Variants in ELP4 observed in about 807,000 individuals in gnomAD.
ELP4 encodes the protein elongator acetyltransferase complex subunit 4.
ELP4 carries 51 observed loss-of-function variants against 48.9 expected under a neutral mutation model. The observed-to-expected ratio is 1.04, with a 90% CI of 0.83 to 1.32. The LOEUF (loss-of-function observed/expected upper bound fraction) is 1.32, where lower values mean the gene tolerates loss of function less well. Ranked by LOEUF, ELP4 falls within the 40% of genes most tolerant of loss-of-function variation. The pLI, the probability that ELP4 is intolerant of heterozygous loss-of-function variation, is 0.00. For synonymous variants in ELP4, 210 were observed against 189.2 expected, an observed-to-expected ratio of 1.11 and a Z score of -0.90; for missense variants, 519 against 514.6, an observed-to-expected ratio of 1.01 and a Z score of -0.08.
rs1377685695 is a variant in ELP4, at chr11:31,515,031, GTGTA to G, written c.224-5023_224-5020del. On this transcript the variant is annotated intron_variant, in intron 1 of 9. Transcript: ENST00000640961. Reference sequence around the variant, plus strand: ...TGTGTGTGTGTGTGTGTGTGTGTGTGTGTATATATATATATATATATATATGTAT... The same window carrying G: ...TGTGTGTGTGTGTGTGTGTGTGTGTGTATATATATATATATATATATGTAT... 1.8e-3 allele frequency among the ~76,000 whole-genome samples: 208 copies of G among 115,554 alleles called. 2 individuals carry two copies. The East Asian group carries it at 0.023, about 13-fold the overall frequency. The allele number at this position is 115,554 out of a possible 152,430, so 75.8% of individuals were successfully genotyped here. A position where few individuals can be genotyped will look rare whatever the true frequency, so the allele number is the denominator to read the frequency against.
At chr11:31,716,962 A>C (rs1025054158) in intron 9 of ELP4, among the ~76,000 whole-genome samples, 1 of 152,244 alleles carries the variant, frequency 6.6e-6, no homozygotes, top group Non-Finnish European at 1.5e-5. Flanking sequence ...ATAATGGATG[A>C]GATTCTATTG....
intron 9 of ELP4, among the ~76,000 whole-genome samples, chr11:31,755,737 A>C (rs1343497137): frequency 6.6e-6 from 1 of 151,950 alleles, no homozygotes; most frequent in African/African-American, 2.4e-5. Context: ...TTACAAAAAA[A>C]AAAAAAAAAA....
chr11:31,601,813 C>T (rs1258767400), intron 4 of ELP4, among the ~76,000 whole-genome samples: 1 of 152,112 alleles, frequency 6.6e-6, no homozygotes, highest in Non-Finnish European at 1.5e-5. Flanking sequence ...GCAAGCTTCC[C>T]TACTAGGCCT....
At chr11:31,619,455 G>A (rs1051759418) in intron 5 of ELP4, among the ~76,000 whole-genome samples, 9 of 152,138 alleles carry the variant, frequency 5.9e-5, no homozygotes, top group South Asian at 4.2e-4. Flanking sequence ...AGGCTGTGAA[G>A]TTCCAAGATA....
intron 9 of ELP4, among the ~76,000 whole-genome samples, chr11:31,738,493 C>T (rs762630971): frequency 4.0e-5 from 6 of 151,526 alleles, no homozygotes; most frequent in East Asian, 3.9e-4. Flanking sequence ...CAGCACACTG[C>T]GGGGGGCTAA....
At chr11:31,626,350 TG>T (rs1413725830) in intron 5 of ELP4, among the ~76,000 whole-genome samples, 1 of 151,848 alleles carries the variant, frequency 6.6e-6, no homozygotes, top group East Asian at 1.9e-4. Context: ...GCTATGCTCA[TG>T]ACATTATCAT....
chr11:31,613,120 G>C (rs1014266451), intron 5 of ELP4, among the ~76,000 whole-genome samples: 2 of 152,190 alleles, frequency 1.3e-5, no homozygotes, highest in Admixed American at 6.6e-5. Flanking sequence ...TGGCTGTAGA[G>C]AGGTGGCTCT....
intron 9 of ELP4, among the ~76,000 whole-genome samples, chr11:31,698,646 C>G (rs569398849): frequency 1.3e-4 from 20 of 152,284 alleles, no homozygotes; most frequent in Admixed American, 9.8e-4. Context: ...CTCCTGGCCT[C>G]AAGTGATCCA....
intron 3 of ELP4, among the ~76,000 whole-genome samples, chr11:31,568,884 A>G (rs1957153030): frequency 6.6e-6 from 1 of 152,128 alleles, no homozygotes. Context: ...CAGGAGTTCA[A>G]GACCAGCCTG....
At chr11:31,545,679 T>C (rs957358634) in intron 3 of ELP4, among the ~76,000 whole-genome samples, 1 of 152,028 alleles carries the variant, frequency 6.6e-6, no homozygotes, top group Non-Finnish European at 1.5e-5. Context: ...AGACACGTAA[T>C]TGTCAGATTC....
At chr11:31,575,249 A>G (rs1043628816) in intron 3 of ELP4, among the ~76,000 whole-genome samples, 6 of 152,196 alleles carry the variant, frequency 3.9e-5, no homozygotes, top group African/African-American at 1.2e-4. Context: ...AAAAAAGACT[A>G]AAAAGAAATG....
chr11:31,560,735 C>CGTTGTTTTGT (rs1364492119), intron 3 of ELP4, among the ~76,000 whole-genome samples: 4 of 148,528 alleles, frequency 2.7e-5, no homozygotes, highest in African/African-American at 4.9e-5. Flanking sequence ...TATAAAACAA[C>CGTTGTTTTGT]ATTGTTTTGT....
chr11:31,692,145 GA>G (rs1170540952), intron 9 of ELP4, among the ~76,000 whole-genome samples: 1 of 152,138 alleles, frequency 6.6e-6, no homozygotes, highest in East Asian at 1.9e-4. Flanking sequence ...TGCTCTGGTT[GA>G]ATTGGAAAAT....
intron 9 of ELP4, among the ~76,000 whole-genome samples, chr11:31,760,718 G>C (rs1947927592): frequency 6.6e-6 from 1 of 152,072 alleles, no homozygotes; most frequent in East Asian, 1.9e-4. Context: ...AGATATTCCA[G>C]ATGATTCTAA....
At chr11:31,583,961 A>G (rs1392652669) in intron 3 of ELP4, among the ~76,000 whole-genome samples, 5 of 152,140 alleles carry the variant, frequency 3.3e-5, no homozygotes, top group African/African-American at 7.2e-5. Context: ...TTAAATTTTA[A>G]TAGCTAGAAG....
Position 31,509,801 on chromosome 11 carries a change from C to A in ELP4, c.17C>A (p.Thr6Asn), listed in dbSNP as rs760224399. 1.9e-5 allele frequency: 30 copies of A among 1,614,046 alleles called. No homozygotes were observed. Among genetic ancestry groups the A allele is most frequent in the African/African-American group, 2.7e-5 (2 of 74,946 alleles). The part of the protein sequence containing the change: MAAVA[T>N]CGSVAASTGS... ...GGCTCTAAGATGGCGGCAGTGGCAA[C>A]CTGCGGTAGTGTTGCCGCGAGTACT... is the stretch of plus-strand genomic sequence containing the variant. The change falls in exon 1 of 10, where the codon ACC (threonine) becomes AAC (asparagine). Residue 6 changes from threonine (T) to asparagine (N), a missense_variant. Coordinates refer to ENST00000640961, the MANE Select transcript of ELP4 (RefSeq NM_019040.5).
chr11:31,591,180 G>A (rs979908724), intron 3 of ELP4, among the ~76,000 whole-genome samples: 1 of 152,030 alleles, frequency 6.6e-6, no homozygotes, highest in African/African-American at 2.4e-5. Context: ...ACCAAGGTGG[G>A]TGGATCACAA....
intron 9 of ELP4, among the ~76,000 whole-genome samples, chr11:31,753,460 A>T (rs1054818916): frequency 1.3e-5 from 2 of 152,242 alleles, no homozygotes; most frequent in Admixed American, 1.3e-4. Context: ...TCAAATTGGT[A>T]TATTTTCTAA....
In ELP4 at chr11:31,783,672, T is replaced by A; in HGVS notation, c.*148T>A. ...AAATGGTGCCGCCATTTCTCATTTT[T>A]TAACTTTTTACAGAACTAGCACAGC... On this transcript the variant is annotated 3_prime_UTR_variant, in exon 10 of 10. Transcript: ENST00000640961. 1.3e-6 allele frequency: 1 copy of A among 766,992 alleles called. No homozygotes were observed. Among genetic ancestry groups the A allele is most frequent in the Non-Finnish European group, 2.0e-6 (1 of 503,644 alleles). The allele number at this position is 766,992 out of a possible 1,614,324, so 47.5% of individuals were successfully genotyped here. A position where few individuals can be genotyped will look rare whatever the true frequency, so the allele number is the denominator to read the frequency against.
Sources: gnomAD v4.1 joint callset for allele counts (sites outside exome capture counted in the v4.1 genomes callset) on GRCh38, gnomAD v4.1.1 for gene constraint, MANE v1.5 for transcripts, NCBI Gene and HGNC (gene_info 2026-07-23, HGNC 2026-07-21) for gene names.